SPPL2A: variants seen among roughly 807,000 people sequenced by gnomAD.
SPPL2A encodes signal peptide peptidase-like 2A.
In SPPL2A, 51 loss-of-function variants were observed where a neutral mutation model predicts 63.8. That is an observed-to-expected ratio of 0.80 (90% CI 0.64 to 1.01). SPPL2A has a LOEUF of 1.01. Among genes scored for constraint, SPPL2A ranks in the 50% least tolerant of loss-of-function variants. The probability of loss-of-function intolerance (pLI) is 0.00; values close to 1 mark genes in which losing one functional copy is unlikely to be tolerated. For missense variants in SPPL2A, 553 were observed against 622.7 expected (o/e 0.89, Z 1.19); for synonymous variants, 188 against 205.8 (o/e 0.91, Z 0.74).
intron 5 of SPPL2A, among the ~76,000 whole-genome samples, chr15:50,745,445 C>T (rs976874253): frequency 6.6e-6 from 1 of 151,992 alleles, no homozygotes; most frequent in Non-Finnish European, 1.5e-5. Flanking sequence ...CCACCACATC[C>T]GGCTGAGACG....
At position 50,745,778 on chromosome 15, in the gene SPPL2A, C is replaced by T. The variant is rs181458138; in HGVS notation, c.584+1717G>A. On this transcript the variant is annotated intron_variant, in intron 5 of 14. Coordinates refer to ENST00000261854, the MANE Select transcript of SPPL2A (RefSeq NM_032802.4). ...GAAAATATAATTTTTAGGCCGGGCA[C>T]GGTAGCTCACGCCTGTAATCCCAAC... is the stretch of plus-strand genomic sequence containing the variant. 2.8e-3 allele frequency among the ~76,000 whole-genome samples: 431 copies of T among 151,972 alleles called. 1 individual carries two copies. The highest frequency in any genetic ancestry group is 9.9e-3 in the African/African-American group (409 of 41,474).
chr15:50,725,566 G>A (rs2062680349), intron 11 of SPPL2A: 1 of 305,126 alleles, frequency 3.3e-6, no homozygotes, highest in East Asian at 7.7e-5. Context: ...AAGTAGCTGG[G>A]ATTACAGGCA....
chr15:50,742,515 T>C (rs558112284), intron 5 of SPPL2A, among the ~76,000 whole-genome samples: 1 of 152,346 alleles, frequency 6.6e-6, no homozygotes, highest in South Asian at 2.1e-4. Context: ...GGTCCTGTTC[T>C]GGCACATTTT....
intron 1 of SPPL2A, among the ~76,000 whole-genome samples, chr15:50,757,317 C>T (rs925154498): frequency 1.3e-5 from 2 of 152,002 alleles, no homozygotes; most frequent in South Asian, 4.1e-4. Context: ...CTCCTGACCT[C>T]GTGATCCGCC....
intron 10 of SPPL2A, among the ~76,000 whole-genome samples, chr15:50,727,114 G>A (rs546003939): frequency 6.2e-4 from 94 of 152,318 alleles, no homozygotes; most frequent in African/African-American, 2.0e-3. Flanking sequence ...GGAAAACATT[G>A]TGAGGCAGCA....
intron 14 of SPPL2A, among the ~76,000 whole-genome samples, chr15:50,712,299 C>T (rs772759117): frequency 6.6e-6 from 1 of 152,174 alleles, no homozygotes; most frequent in African/African-American, 2.4e-5. Flanking sequence ...CGCCTACTTC[C>T]TTCTAATTTC....
Position 50,739,726 on chromosome 15 carries a change from G to C in SPPL2A, c.687C>G (p.Ile229Met). ...SPLTVVIFVV[I>M]CCVMMVLLYF... ...AAAGTAAGACCATCATAACACAGCAGATGACCACAAATATTACAACTGTAA... is the reference window on the plus strand; with the variant it reads ...AAAGTAAGACCATCATAACACAGCACATGACCACAAATATTACAACTGTAA... Residue 229 changes from isoleucine to methionine, a missense_variant, in exon 6 of 15, where the codon ATC (isoleucine) becomes ATG (methionine). Transcript: ENST00000261854. The C allele has an allele frequency of 1.2e-6, 2 of 1,601,678 alleles. No individual in the cohort carries two copies. Among genetic ancestry groups the C allele is most frequent in the Non-Finnish European group, 1.7e-6 (2 of 1,175,866 alleles).
chr15:50,765,466 A>G lies in SPPL2A; in HGVS notation c.66+2T>C. The G allele has an allele frequency of 6.7e-7, 1 of 1,502,306 alleles. No homozygotes were observed. Among genetic ancestry groups the G allele is most frequent in the South Asian group, 1.2e-5 (1 of 81,052 alleles). The allele number at this position is 1,502,306 out of a possible 1,614,324, so 93.1% of individuals were successfully genotyped here. On this transcript the variant is annotated splice_donor_variant, in intron 1 of 14. Coordinates refer to ENST00000261854, the MANE Select transcript of SPPL2A (RefSeq NM_032802.4). LOFTEE classifies it high-confidence loss of function. ...GGCCTGCGCGCCTTCCCGCCCCCTT[A>G]CCAGCTGGAGCAGGAAGCCCCAGAG...
At chr15:50,751,857 C>T (rs1428206484) in intron 1 of SPPL2A, among the ~76,000 whole-genome samples, 2 of 152,030 alleles carry the variant, frequency 1.3e-5, no homozygotes, top group African/African-American at 2.4e-5. Context: ...GACGGAGTTT[C>T]GCTCTTGTTG....
chr15:50,712,679 CT>C (rs1555440537), intron 14 of SPPL2A, among the ~76,000 whole-genome samples: 1,569 of 102,810 alleles, frequency 0.015, 35 homozygotes, highest in African/African-American at 0.063. Context: ...CTCCCCCCCC[CT>C]TTTTTTTTTT....
intron 13 of SPPL2A, among the ~76,000 whole-genome samples, chr15:50,721,316 G>A (rs778632387): frequency 6.6e-6 from 1 of 152,188 alleles, no homozygotes; most frequent in Non-Finnish European, 1.5e-5. Flanking sequence ...TTACAGGCAT[G>A]AGCCACCACG....
At chr15:50,712,947 G>A (rs954469572) in intron 14 of SPPL2A, among the ~76,000 whole-genome samples, 1 of 151,992 alleles carries the variant, frequency 6.6e-6, no homozygotes, top group African/African-American at 2.4e-5. Context: ...GCCTCCCAAA[G>A]TGCTGGGATT....
At chr15:50,741,605 T>C (rs1457998965) in intron 5 of SPPL2A, among the ~76,000 whole-genome samples, 1 of 152,174 alleles carries the variant, frequency 6.6e-6, no homozygotes, top group African/African-American at 2.4e-5. Context: ...TCATAGTCAT[T>C]AAACTAAAAA....
At chr15:50,739,918 G>A in intron 5 of SPPL2A, 90 bp from the exon 6 acceptor site, 1 of 689,400 alleles carries the variant, frequency 1.5e-6, no homozygotes, top group Non-Finnish European at 2.2e-6. Context: ...ATCTGTTTCT[G>A]AAGAAAACAA....
At chr15:50,738,945 C>A (rs181764072) in intron 6 of SPPL2A, among the ~76,000 whole-genome samples, 1 of 152,090 alleles carries the variant, frequency 6.6e-6, no homozygotes, top group Non-Finnish European at 1.5e-5. Flanking sequence ...TCTTGATTTG[C>A]AAATTGACAA....
chr15:50,739,086 A>C (rs2062797081), intron 6 of SPPL2A, among the ~76,000 whole-genome samples: 1 of 151,810 alleles, frequency 6.6e-6, no homozygotes, highest in African/African-American at 2.4e-5. Flanking sequence ...TATATCATTC[A>C]TCTACAGAGA....
At chr15:50,722,645 TG>T (rs1324607253) in intron 12 of SPPL2A, among the ~76,000 whole-genome samples, 1 of 152,128 alleles carries the variant, frequency 6.6e-6, no homozygotes, top group African/African-American at 2.4e-5. Flanking sequence ...TTAGTAGAGA[TG>T]GGGTTTCATC....
intron 6 of SPPL2A, among the ~76,000 whole-genome samples, chr15:50,738,051 G>A (rs1034611380): frequency 3.3e-5 from 5 of 152,130 alleles, no homozygotes; most frequent in Admixed American, 2.0e-4. Flanking sequence ...GGGCATGGTG[G>A]GATGTGCCTG....
At chr15:50,723,806 C>T (rs966137658) in intron 12 of SPPL2A, among the ~76,000 whole-genome samples, 1 of 152,266 alleles carries the variant, frequency 6.6e-6, no homozygotes. Context: ...TGCAATTATG[C>T]AGAAACAACT....
Sources: gnomAD v4.1 joint callset for allele counts (sites outside exome capture counted in the v4.1 genomes callset) on GRCh38, gnomAD v4.1.1 for gene constraint, MANE v1.5 for transcripts, NCBI Gene and HGNC (gene_info 2026-07-23, HGNC 2026-07-21) for gene names.